CDK14: variants seen among roughly 807,000 people sequenced by gnomAD.
The protein encoded by CDK14 is cyclin-dependent kinase 14.
CDK14 carries 34 observed loss-of-function variants against 60.7 expected under a neutral mutation model. The ratio of observed to expected loss-of-function variants is 0.56; its 90% CI spans 0.43 to 0.75. The LOEUF (loss-of-function observed/expected upper bound fraction) is 0.75, where lower values mean the gene tolerates loss of function less well. Among genes scored for constraint, CDK14 ranks in the 30% least tolerant of loss-of-function variants. CDK14 has a pLI of 0.00. For missense variants in CDK14, 482 were observed against 564.1 expected, an observed-to-expected ratio of 0.85 and a Z score of 1.47; for synonymous variants, 197 against 203.7, an observed-to-expected ratio of 0.97 and a Z score of 0.28.
At chr7:90,986,466 TGGAAATAA>T (rs772987486) in intron 10 of CDK14, among the ~76,000 whole-genome samples, 26 of 152,160 alleles carry the variant, frequency 1.7e-4, no homozygotes, top group Non-Finnish European at 3.4e-4. Flanking sequence ...ACTGAGTCTA[TGGAAATAA>T]TACAAAATTG....
intron 14 of CDK14, among the ~76,000 whole-genome samples, chr7:91,155,379 G>A (rs1800954279): frequency 6.6e-6 from 1 of 152,134 alleles, no homozygotes; most frequent in Admixed American, 6.6e-5. Context: ...AGGTAAAAGA[G>A]TTTGCATTTT....
chr7:91,096,840 T>C (rs1395231552), intron 12 of CDK14, among the ~76,000 whole-genome samples: 1 of 152,322 alleles, frequency 6.6e-6, no homozygotes, highest in South Asian at 2.1e-4. Context: ...ATGAGATGCC[T>C]ATAACCATGT....
intron 8 of CDK14, among the ~76,000 whole-genome samples, chr7:90,921,985 T>A (rs748602576): frequency 2.0e-5 from 3 of 152,218 alleles, no homozygotes; most frequent in Non-Finnish European, 4.4e-5. Context: ...TATGCTTCTC[T>A]GAATTCACAT....
At chr7:91,090,615 G>A (rs1392322262) in intron 12 of CDK14, among the ~76,000 whole-genome samples, 1 of 152,102 alleles carries the variant, frequency 6.6e-6, no homozygotes, top group Non-Finnish European at 1.5e-5. Flanking sequence ...AGGATTTTCA[G>A]CTAAAAACCT....
At chr7:91,062,371 G>A (rs936978820) in intron 11 of CDK14, among the ~76,000 whole-genome samples, 40 of 152,248 alleles carry the variant, frequency 2.6e-4, no homozygotes, top group African/African-American at 9.4e-4. Context: ...GCCTCTACCT[G>A]CTTCGGCTCA....
chr7:91,108,713 T>C (rs1051798382), intron 12 of CDK14, among the ~76,000 whole-genome samples: 9 of 152,240 alleles, frequency 5.9e-5, no homozygotes, highest in Non-Finnish European at 1.3e-4. Context: ...TGATGATTTC[T>C]TAATGTCTTT....
intron 10 of CDK14, among the ~76,000 whole-genome samples, chr7:91,023,830 T>G (rs1796497105): frequency 6.6e-6 from 1 of 152,140 alleles, no homozygotes; most frequent in African/African-American, 2.4e-5. Flanking sequence ...CAGAGTGCAA[T>G]GGCTCGATCT....
intron 7 of CDK14, among the ~76,000 whole-genome samples, chr7:90,913,902 G>A (rs1457099808): frequency 6.6e-6 from 1 of 152,092 alleles, no homozygotes; most frequent in African/African-American, 2.4e-5. Flanking sequence ...GACGGGGAGT[G>A]GGGCAGAAGG....
chr7:90,819,203 A>T (rs1375542909), intron 5 of CDK14, among the ~76,000 whole-genome samples: 1 of 152,194 alleles, frequency 6.6e-6, no homozygotes, highest in Non-Finnish European at 1.5e-5. Context: ...AGCAGATTTG[A>T]GATGACAGTC....
intron 2 of CDK14, among the ~76,000 whole-genome samples, chr7:90,716,977 G>A (rs1401667354): frequency 1.3e-5 from 2 of 152,002 alleles, no homozygotes; most frequent in African/African-American, 2.4e-5. Context: ...AGTGATTCCC[G>A]TGCTGCCAGT....
At chr7:90,686,335 A>G (rs1563044465) in intron 2 of CDK14, among the ~76,000 whole-genome samples, 1 of 152,180 alleles carries the variant, frequency 6.6e-6, no homozygotes, top group Non-Finnish European at 1.5e-5. Context: ...GGAAGATTTT[A>G]CAGTGCCTCT....
intron 12 of CDK14, among the ~76,000 whole-genome samples, chr7:91,095,993 C>G (rs1036147295): frequency 7.1e-6 from 1 of 141,004 alleles, no homozygotes; most frequent in African/African-American, 2.7e-5. Context: ...GTAATTAATG[C>G]CACTGAATTG....
chr7:90,764,023 GC>G (rs1804436763), intron 4 of CDK14, among the ~76,000 whole-genome samples: 1 of 151,946 alleles, frequency 6.6e-6, no homozygotes, highest in Non-Finnish European at 1.5e-5. Context: ...AAAATATTTT[GC>G]CAAAAACCGA....
intron 14 of CDK14, among the ~76,000 whole-genome samples, chr7:91,121,452 C>T (rs1799780925): frequency 6.6e-6 from 1 of 152,144 alleles, no homozygotes; most frequent in Non-Finnish European, 1.5e-5. Context: ...ACTGAGTAGA[C>T]AAGAATGTTT....
At chr7:90,712,901 T>A (rs752297421) in intron 2 of CDK14, among the ~76,000 whole-genome samples, 4 of 152,120 alleles carry the variant, frequency 2.6e-5, no homozygotes, top group Non-Finnish European at 4.4e-5. Flanking sequence ...CTCTTAGAGC[T>A]GGCAGGTACT....
chr7:90,728,560 C>G (rs994454134), intron 3 of CDK14, among the ~76,000 whole-genome samples: 5 of 152,028 alleles, frequency 3.3e-5, no homozygotes, highest in Non-Finnish European at 7.4e-5. Context: ...TAACATATCA[C>G]TTCATATGTT....
At chr7:90,923,482 A>G (rs1197444829) in intron 8 of CDK14, among the ~76,000 whole-genome samples, 1 of 152,174 alleles carries the variant, frequency 6.6e-6, no homozygotes, top group East Asian at 1.9e-4. Context: ...ATGAACTGCA[A>G]CTAATATGCA....
chr7:91,088,569 ATGTGTG>A (rs35277214), intron 12 of CDK14, among the ~76,000 whole-genome samples: 9 of 149,624 alleles, frequency 6.0e-5, no homozygotes, highest in African/African-American at 1.5e-4. Flanking sequence ...GTTTATATAT[ATGTGTG>A]TGTGTGTGTG....
chr7:90,908,441 G>A (rs879276816), intron 7 of CDK14, among the ~76,000 whole-genome samples: 5 of 152,140 alleles, frequency 3.3e-5, no homozygotes, highest in African/African-American at 4.8e-5. Context: ...TCACCCCAAA[G>A]AATGATGAAA....
Sources: allele counts gnomAD v4.1 joint callset (sites outside exome capture counted in the v4.1 genomes callset), GRCh38; gene constraint gnomAD v4.1.1; transcripts MANE v1.5; gene names NCBI Gene and HGNC (gene_info 2026-07-23, HGNC 2026-07-21).